Variants in PATZ1 observed in about 807,000 individuals in gnomAD.
PATZ1 encodes POZ/BTB and AT hook containing zinc finger 1.
Under a neutral mutation model 46.2 loss-of-function variants are expected in PATZ1, and 9 were observed. The ratio of observed to expected loss-of-function variants is 0.19; its 90% CI spans 0.12 to 0.34. PATZ1 has a LOEUF of 0.34. Ranked by LOEUF, PATZ1 falls within the 10% of genes least tolerant of loss-of-function variation. PATZ1 has a pLI of 1.00. For synonymous variants in PATZ1, 426 were observed against 378.6 expected (o/e 1.13, Z -1.45); for missense variants, 632 against 923.0 (o/e 0.68, Z 4.08).
At chr22:31,331,283 A>G (rs1841918944) in intron 3 of PATZ1, among the ~76,000 whole-genome samples, 1 of 152,124 alleles carries the variant, frequency 6.6e-6, no homozygotes, top group Admixed American at 6.5e-5. Context: ...CCCACCAATC[A>G]GTACAAGATA....
At chr22:31,341,812 G>A (rs2049586678) in intron 2 of PATZ1, 2 of 753,076 alleles carry the variant, frequency 2.7e-6, no homozygotes. Flanking sequence ...GCTCTGTGAT[G>A]AGAGAATCAG....
intron 1 of PATZ1, chr22:31,343,321 T>C (rs1417680570): frequency 4.7e-5 from 48 of 1,018,932 alleles, no homozygotes; most frequent in Admixed American, 5.7e-5. Context: ...ATGTGATTCA[T>C]TGTCCAGACT....
At chr22:31,340,163 C>T (rs555337094) in intron 2 of PATZ1, among the ~76,000 whole-genome samples, 32 of 152,318 alleles carry the variant, frequency 2.1e-4, no homozygotes, top group Admixed American at 1.3e-4. Context: ...CCAGCAGTAC[C>T]TGGGGCATCT....
Position 31,344,574 on chromosome 22 carries a change from G to A in PATZ1, c.1029C>T (p.Asp343=), listed in dbSNP as rs776599888. The change falls in exon 1 of 5, where the codon GAC becomes GAT. Residue 343 remains aspartate, a synonymous_variant. Coordinates refer to ENST00000266269, the MANE Select transcript of PATZ1 (RefSeq NM_014323.3). ...TGGTCCGGCTCCTCTTTCGGGGGCCGTCGGGGTCTTCAGAGATGGGTAGCC... is the reference window on the plus strand; with the variant it reads ...TGGTCCGGCTCCTCTTTCGGGGGCCATCGGGGTCTTCAGAGATGGGTAGCC... ...ENGLPISEDP[D]GPRKRSRTRK... 16 of 1,614,062 alleles carry A rather than the reference G, an allele frequency of 9.9e-6. No individual in the cohort carries two copies. The East Asian group carries it at 1.1e-4, about 11-fold the overall frequency.
rs2049386867 is a variant in PATZ1, at chr22:31,327,847, A to G, written c.1646-538T>C. ...AGCCAATCCTTTTCCTAATGCTGCA[A>G]ACATAGCCCTGTCCTTACCGCCTTC... On this transcript the variant is annotated intron_variant, in intron 4 of 4. Transcript: ENST00000266269. The surrounding 1 kb of genome is among the most constrained non-coding windows in gnomAD (Gnocchi z 4.2). Among the ~76,000 whole-genome samples the G allele has an allele frequency of 6.6e-6, 1 of 152,200 alleles. No individual in the cohort carries two copies. The highest frequency in any genetic ancestry group is 6.5e-5 in the Admixed American group (1 of 15,280).
In PATZ1 at chr22:31,326,730, G is replaced by A; in HGVS notation, c.*161C>T. 1 of 615,998 alleles carries A rather than the reference G, an allele frequency of 1.6e-6. No homozygotes were observed. 38.2% of individuals were successfully genotyped at this position (615,998 alleles called of 1,614,324 possible). A position where few individuals can be genotyped will look rare whatever the true frequency, so the allele number is the denominator to read the frequency against. ...GAAAATCTATTTCTAAAGACCATTG[G>A]GAGAATGGGTGGTGGAGAAGGAGTT... On this transcript the variant is annotated 3_prime_UTR_variant, in exon 5 of 5. Transcript: ENST00000266269.
chr22:31,326,587 G>C lies in PATZ1; in HGVS notation c.*304C>G. 3 of 338,980 alleles carry C rather than the reference G, an allele frequency of 8.9e-6. No homozygotes were observed. The highest frequency in any genetic ancestry group is 1.1e-5 in the Non-Finnish European group (2 of 185,166). The allele number at this position is 338,980 out of a possible 1,614,324, so 21.0% of individuals were successfully genotyped here. A position where few individuals can be genotyped will look rare whatever the true frequency, so the allele number is the denominator to read the frequency against. On this transcript the variant is annotated 3_prime_UTR_variant, in exon 5 of 5. Coordinates refer to ENST00000266269, the MANE Select transcript of PATZ1 (RefSeq NM_014323.3). ...GGGGTCACTAAGAATTGAGCACCAG[G>C]AATTCCAGCTTCTTCCCATTAAAGA...
rs750789426 is a variant in PATZ1 at position 31,335,906 on chromosome 22, C to T, written c.1336-43G>A. The T allele has an allele frequency of 8.9e-6, 14 of 1,574,054 alleles. No individual in the cohort carries two copies. In the African/African-American group the frequency reaches 9.4e-5, roughly 11 times the overall value. ...AATGGGATGATGTGAAACCCAGCAC[C>T]CCACACCTGACTCCCCACCAAGTGC... On this transcript the variant is annotated intron_variant, in intron 2 of 4. Transcript: ENST00000266269.
chr22:31,326,257 G>A lies in PATZ1; in HGVS notation c.*634C>T. 4.4e-6 allele frequency: 1 copy of A among 228,144 alleles called. No homozygotes were observed. Among genetic ancestry groups the A allele is most frequent in the Admixed American group, 5.7e-5 (1 of 17,590 alleles). 14.1% of individuals were successfully genotyped at this position (228,144 alleles called of 1,614,324 possible). On this transcript the variant is annotated 3_prime_UTR_variant, in exon 5 of 5. Transcript: ENST00000266269. ...GTAAGAACTGAAATTTGGGGTGGGGGTGTCCTCAACAGCTGAGCTTGTCCT... is the reference window on the plus strand; with the variant it reads ...GTAAGAACTGAAATTTGGGGTGGGGATGTCCTCAACAGCTGAGCTTGTCCT...
rs1045598256 is a variant in PATZ1 at position 31,327,566 on chromosome 22, G to A, written c.1646-257C>T. ...TGCAGCTGCACATGTACTGCTCACC[G>A]TCATCTCAGCCTGCTTCAAGGAAGG... On this transcript the variant is annotated intron_variant, in intron 4 of 4. Transcript: ENST00000266269. The surrounding 1 kb of genome is among the most constrained non-coding windows in gnomAD (Gnocchi z 4.2). Among the ~76,000 whole-genome samples the A allele has an allele frequency of 1.3e-5, 2 of 152,140 alleles. No individual in the cohort carries two copies. The highest frequency in any genetic ancestry group is 2.9e-5 in the Non-Finnish European group (2 of 68,016).
chr22:31,345,333 C>A lies in PATZ1; in HGVS notation c.270G>T (p.Ala90=), dbSNP rs1178132267. 6.2e-7 allele frequency: 1 copy of A among 1,609,420 alleles called. No individual in the cohort carries two copies. The highest frequency in any genetic ancestry group is 1.1e-5 in the South Asian group (1 of 90,706). Residue 90 remains alanine, a synonymous_variant, in exon 1 of 5, where the codon GCG becomes GCT. Coordinates refer to ENST00000266269, the MANE Select transcript of PATZ1 (RefSeq NM_014323.3). The surrounding 1 kb of genome is among the most constrained non-coding windows in gnomAD (Gnocchi z 7.4). ...ADGGPADVGG[A]TAAPGGGAGG... ...CGGCCCCGCCGCCTGGTGCTGCCGT[C>A]GCGCCCCCTACATCAGCCGGACCCC...
At chr22:31,329,143 T>C (rs1270468242) in intron 3 of PATZ1, among the ~76,000 whole-genome samples, 1 of 152,168 alleles carries the variant, frequency 6.6e-6, no homozygotes, top group Admixed American at 6.5e-5. Flanking sequence ...CAGAGCCCAC[T>C]CTGCAAGGCT....
rs1306695193 is a variant in PATZ1, at chr22:31,345,764, C to G, written c.-162G>C. The G allele has an allele frequency of 7.2e-6, 5 of 698,046 alleles. No individual in the cohort carries two copies. In the African/African-American group the frequency reaches 9.1e-5, roughly 13 times the overall value. The allele number at this position is 698,046 out of a possible 1,614,324, so 43.2% of individuals were successfully genotyped here. On this transcript the variant is annotated 5_prime_UTR_variant, in exon 1 of 5. Transcript: ENST00000266269. The surrounding 1 kb of genome is among the most constrained non-coding windows in gnomAD (Gnocchi z 7.4). ...GTGCGCCGAGTGTACACGCCCCCAG[C>G]CCGGATCAGACTGTCTAGACTGCGG...
chr22:31,344,227 A>C, intron 1 of PATZ1, 105 bp downstream of exon 1: 6 of 1,029,138 alleles, frequency 5.8e-6, no homozygotes, highest in Non-Finnish European at 7.2e-6. Context: ...ATGGTTCTAT[A>C]AGGTCAAATG....
chr22:31,331,563 G>A (rs1476157627), intron 3 of PATZ1, among the ~76,000 whole-genome samples: 4 of 151,862 alleles, frequency 2.6e-5, no homozygotes, highest in Non-Finnish European at 5.9e-5. Context: ...GGATGGTCTC[G>A]GATCTCCTGA....
intron 3 of PATZ1, among the ~76,000 whole-genome samples, chr22:31,333,474 TC>T (rs1265763442): frequency 6.8e-6 from 1 of 146,456 alleles, no homozygotes; most frequent in Non-Finnish European, 1.5e-5. Context: ...TTTATCCTCT[TC>T]CTTTTTTTTT....
intron 2 of PATZ1, chr22:31,341,573 A>T: frequency 6.2e-7 from 1 of 1,614,186 alleles, no homozygotes. Context: ...AGGCGGTGTC[A>T]GGAACCGAAT....
chr22:31,337,309 C>T (rs1035216760), intron 2 of PATZ1, among the ~76,000 whole-genome samples: 2 of 152,172 alleles, frequency 1.3e-5, no homozygotes, highest in Non-Finnish European at 2.9e-5. Flanking sequence ...TCCAAGACAG[C>T]GTGGCTTTGG....
In PATZ1 at chr22:31,327,268, C is replaced by G; in HGVS notation, c.1687G>C (p.Asp563His). ...GCATCTGAGAGGTCACCATAGGAGT[C>G]AGAGCTCTCAATCGGATCCTGATGT... is the stretch of plus-strand genomic sequence containing the variant. Reference protein sequence around the residue: ...CSHQDPIESSDSYGDLSDASD... With the variant: ...CSHQDPIESSHSYGDLSDASD... The change falls in exon 5 of 5, where the codon GAC (aspartate) becomes CAC (histidine). Residue 563 changes from aspartate to histidine, a missense_variant. Coordinates refer to ENST00000266269, the MANE Select transcript of PATZ1 (RefSeq NM_014323.3). The surrounding 1 kb of genome is among the most constrained non-coding windows in gnomAD (Gnocchi z 4.2). The G allele has an allele frequency of 6.2e-7, 1 of 1,614,132 alleles. No homozygotes were observed. The highest frequency in any genetic ancestry group is 8.5e-7 in the Non-Finnish European group (1 of 1,180,018).
Sources: gnomAD v4.1 joint callset for allele counts (sites outside exome capture counted in the v4.1 genomes callset) on GRCh38, gnomAD v4.1.1 for gene constraint, Gnocchi (gnomAD v3.1) non-coding constraint, MANE v1.5 for transcripts, NCBI Gene and HGNC (gene_info 2026-07-23, HGNC 2026-07-21) for gene names.